The following CFAP70 variants were observed in gnomAD, a reference collection of about 807,000 sequenced individuals.
The protein encoded by CFAP70 is cilia and flagella associated protein 70.
In CFAP70, 81 loss-of-function variants were observed where a neutral mutation model predicts 137.6. That is an observed-to-expected ratio of 0.59 (90% CI 0.49 to 0.71). The LOEUF is 0.71. CFAP70 is among the 30% of genes least tolerant of loss of function. The probability of loss-of-function intolerance (pLI) is 0.00; values close to 1 mark genes in which losing one functional copy is unlikely to be tolerated. For missense variants in CFAP70, 976 were observed against 1,226.7 expected, an observed-to-expected ratio of 0.80 and a Z score of 3.05; for synonymous variants, 382 against 423.6, an observed-to-expected ratio of 0.90 and a Z score of 1.20.
intron 16 of CFAP70, among the ~76,000 whole-genome samples, chr10:73,292,726 C>G (rs1331806816): frequency 1.3e-5 from 2 of 152,016 alleles, no homozygotes; most frequent in African/African-American, 4.8e-5. Context: ...GGATACAAAT[C>G]CTTTGTCATA....
intron 1 of CFAP70, among the ~76,000 whole-genome samples, chr10:73,358,147 C>T (rs770543265): frequency 1.6e-4 from 25 of 152,216 alleles, no homozygotes; most frequent in Non-Finnish European, 2.2e-4. Flanking sequence ...TAATATGCAG[C>T]GTTTGTCCTG....
At chr10:73,282,224 C>T (rs61324121) in intron 19 of CFAP70, among the ~76,000 whole-genome samples, 16,065 of 152,136 alleles carry the variant, frequency 0.11, 1,226 homozygotes, top group East Asian at 0.3. Context: ...GGCTAGCTAT[C>T]GGGGTGGAGG....
chr10:73,326,700 G>T (rs956987218), intron 8 of CFAP70, among the ~76,000 whole-genome samples: 8 of 151,886 alleles, frequency 5.3e-5, no homozygotes, highest in Non-Finnish European at 8.8e-5. Flanking sequence ...CAGAGAATAG[G>T]ATGAACACCT....
chr10:73,341,695 C>G, intron 5 of CFAP70, 114 bp from the exon 7 acceptor site: 1 of 877,638 alleles, frequency 1.1e-6, no homozygotes, highest in East Asian at 2.5e-5. Context: ...ACATACCCCT[C>G]TACGATTAAT....
intron 9 of CFAP70, among the ~76,000 whole-genome samples, chr10:73,316,485 T>TAG (rs946513079): frequency 2.8e-5 from 3 of 109,002 alleles, no homozygotes; most frequent in African/African-American, 3.8e-5. Flanking sequence ...TATATAGATA[T>TAG]AGATATATAT....
intron 9 of CFAP70, among the ~76,000 whole-genome samples, chr10:73,313,059 A>G (rs766588020): frequency 3.3e-5 from 5 of 152,256 alleles, no homozygotes; most frequent in Non-Finnish European, 7.4e-5. Context: ...CTTCATCTCT[A>G]CTAAAAACAA....
rs771069823 is a variant in CFAP70 at position 73,341,574 on chromosome 10, T to C, written c.407A>G (p.Tyr136Cys). The C allele has an allele frequency of 8.1e-6, 13 of 1,613,430 alleles. No homozygotes were observed. In the African/African-American group the frequency reaches 1.1e-4, roughly 13 times the overall value. Residue 136 changes from tyrosine to cysteine, a missense_variant, in exon 6 of 27, where the codon TAT (tyrosine) becomes TGT (cysteine). Coordinates refer to ENST00000310715, the Ensembl canonical transcript of CFAP70. ...AGTTCCATTCTTAAATAAAATGGGA[T>C]AGTCCTTCTACAGAAATAGATACCA...
chr10:73,308,934 A>C (rs1452053739), intron 12 of CFAP70, among the ~76,000 whole-genome samples: 1 of 152,126 alleles, frequency 6.6e-6, no homozygotes, highest in African/African-American at 2.4e-5. Flanking sequence ...AGAAGAAGAA[A>C]ACTCAAAATC....
rs565549195 is a variant in CFAP70 at position 73,316,495 on chromosome 10, T to G, written c.913-3852A>C. Among the ~76,000 whole-genome samples, 130 of 132,670 alleles carry G rather than the reference T, an allele frequency of 9.8e-4. 2 individuals carry two copies. The South Asian group carries it at 0.014, about 14-fold the overall frequency. The allele number at this position is 132,670 out of a possible 152,430, so 87.0% of individuals were successfully genotyped here. ...ATATATATATAGATATAGATATATA[T>G]ATATATATATATATATATGACGTAC... On this transcript the variant is annotated intron_variant, in intron 9 of 26. Coordinates refer to ENST00000310715, the Ensembl canonical transcript of CFAP70.
chr10:73,286,007 C>G (rs2131856794), intron 19 of CFAP70, among the ~76,000 whole-genome samples: 1 of 152,234 alleles, frequency 6.6e-6, no homozygotes, highest in South Asian at 2.1e-4. Flanking sequence ...CTCAACTTTA[C>G]TTTTGATTGA....
chr10:73,346,584 A>G (rs2053729468), intron 4 of CFAP70, among the ~76,000 whole-genome samples: 1 of 151,682 alleles, frequency 6.6e-6, no homozygotes, highest in Non-Finnish European at 1.5e-5. Flanking sequence ...TGGAGGTTGC[A>G]GTGAGCCGAG....
intron 9 of CFAP70, among the ~76,000 whole-genome samples, chr10:73,319,660 G>C (rs1459288918): frequency 6.6e-6 from 1 of 152,108 alleles, no homozygotes; most frequent in Non-Finnish European, 1.5e-5. Flanking sequence ...TTGACACCCT[G>C]CAATGAAAGC....
chr10:73,345,590 A>T (rs993193489), intron 4 of CFAP70, among the ~76,000 whole-genome samples: 8 of 152,056 alleles, frequency 5.3e-5, no homozygotes, highest in African/African-American at 1.9e-4. Flanking sequence ...GGATCACCTG[A>T]TATCAGGGGT....
At chr10:73,291,885 G>T in exon 17 of CFAP70, 2 of 1,614,094 alleles carry the variant, frequency 1.2e-6, no homozygotes, top group Non-Finnish European at 1.7e-6. Flanking sequence ...CTATACCTGT[G>T]GATATGACTC....
At chr10:73,294,762 T>G (rs1408123987) in intron 15 of CFAP70, 1 of 152,224 alleles carries the variant, frequency 6.6e-6, no homozygotes, top group East Asian at 1.9e-4. Flanking sequence ...AAGTAAGAAA[T>G]CCCTCAACTA....
chr10:73,263,499 A>AT (rs958446994), intron 25 of CFAP70, among the ~76,000 whole-genome samples: 14 of 152,188 alleles, frequency 9.2e-5, no homozygotes, highest in African/African-American at 3.4e-4. Context: ...TAACACTGGC[A>AT]TTTTTTAAAA....
At chr10:73,354,704 A>G (rs2054534899) in intron 2 of CFAP70, 30 bp downstream of exon 2, 3 of 1,605,490 alleles carry the variant, frequency 1.9e-6, no homozygotes, top group Non-Finnish European at 2.6e-6. Context: ...CAAACTAAGG[A>G]TTTTTGTAAA....
In CFAP70 at chr10:73,291,222, C is replaced by G. The variant is rs781627253; in HGVS notation, c.2239+4G>C. The G allele has an allele frequency of 6.2e-6, 10 of 1,613,842 alleles. No homozygotes were observed. Among genetic ancestry groups the G allele is most frequent in the Admixed American group, 3.3e-5 (2 of 60,012 alleles). On this transcript the variant is annotated splice_donor_region_variant and intron_variant, in intron 19 of 26. Coordinates refer to ENST00000310715, the Ensembl canonical transcript of CFAP70. ...CACTCTTCACCTCTATTCCCTGGCT[C>G]TACCTGCTGGGGCTTCCACCTTGAT...
Position 73,272,921 on chromosome 10 carries a change from C to T in CFAP70, c.2925+7G>A, listed in dbSNP as rs749512526. 7.7e-6 allele frequency: 12 copies of T among 1,551,486 alleles called. No homozygotes were observed. Among genetic ancestry groups the T allele is most frequent in the Non-Finnish European group, 8.7e-6 (10 of 1,146,822 alleles). ...ACAGCCCTAGTCTCAAGCCTTCATCCTCTTACCCGATAGCAGGCGATTCCC... is the reference window on the plus strand; with the variant it reads ...ACAGCCCTAGTCTCAAGCCTTCATCTTCTTACCCGATAGCAGGCGATTCCC... On this transcript the variant is annotated splice_region_variant and intron_variant, in intron 24 of 26. Coordinates refer to ENST00000310715, the Ensembl canonical transcript of CFAP70.
Sources: allele counts gnomAD v4.1 joint callset (sites outside exome capture counted in the v4.1 genomes callset), GRCh38; gene constraint gnomAD v4.1.1; transcripts MANE v1.5; gene names NCBI Gene and HGNC (gene_info 2026-07-23, HGNC 2026-07-21).